Variants in RCSD1 observed in about 807,000 individuals in gnomAD.
RCSD1 encodes the protein RCSD domain containing 1, also known as capZ-interacting protein.
In RCSD1, 26 loss-of-function variants were observed where a neutral mutation model predicts 42.5. That is an observed-to-expected ratio of 0.61 (90% CI 0.45 to 0.85). RCSD1 has a LOEUF of 0.85. Among genes scored for constraint, RCSD1 ranks in the 40% least tolerant of loss-of-function variants. The pLI is 0.00. For synonymous variants in RCSD1, 220 were observed against 212.2 expected (o/e 1.04, Z -0.32); for missense variants, 571 against 528.3 (o/e 1.08, Z -0.79).
At chr1:167,657,036 C>G (rs1432309793) in intron 1 of RCSD1, among the ~76,000 whole-genome samples, 1 of 152,210 alleles carries the variant, frequency 6.6e-6, no homozygotes, top group Non-Finnish European at 1.5e-5. Flanking sequence ...GGGAAAGCCA[C>G]TTTATCTCTA....
intron 1 of RCSD1, among the ~76,000 whole-genome samples, chr1:167,672,884 T>C (rs56086037): frequency 0.053 from 8,141 of 152,326 alleles, 296 homozygotes; most frequent in Non-Finnish European, 0.085. Context: ...TAGACCATGC[T>C]CATCCTGTCC....
At chr1:167,643,295 G>A (rs1658053977) in intron 1 of RCSD1, among the ~76,000 whole-genome samples, 1 of 152,202 alleles carries the variant, frequency 6.6e-6, no homozygotes, top group Non-Finnish European at 1.5e-5. Flanking sequence ...CCTAGTGGAA[G>A]GTGGCAGAAG....
At chr1:167,686,662 C>G (rs755279854) in intron 3 of RCSD1, among the ~76,000 whole-genome samples, 8 of 152,238 alleles carry the variant, frequency 5.3e-5, no homozygotes, top group Non-Finnish European at 1.0e-4. Context: ...TTCCTTGGGT[C>G]TCTTCAAGTG....
intron 1 of RCSD1, among the ~76,000 whole-genome samples, chr1:167,653,442 G>A (rs1208699802): frequency 6.6e-6 from 1 of 152,220 alleles, no homozygotes; most frequent in Non-Finnish European, 1.5e-5. Flanking sequence ...CAACACCTGA[G>A]GAACTGGGCA....
intron 1 of RCSD1, among the ~76,000 whole-genome samples, chr1:167,652,501 C>T (rs922420788): frequency 6.6e-6 from 1 of 152,218 alleles, no homozygotes; most frequent in African/African-American, 2.4e-5. Flanking sequence ...AGGCTGGAAA[C>T]AGGCCTGCTG....
At position 167,694,184 on chromosome 1, in the gene RCSD1, A is replaced by G; in HGVS notation, c.356A>G (p.His119Arg). ...PGLKAMVSPF[H>R]SPPSTPSSPG... ...CTCAAGGCTATGGTGTCGCCATTTCACAGCCCACCTTCTACCCCCAGCAGC... is the reference window on the plus strand; with the variant it reads ...CTCAAGGCTATGGTGTCGCCATTTCGCAGCCCACCTTCTACCCCCAGCAGC... Residue 119 changes from histidine to arginine, a missense_variant, in exon 5 of 7, where the codon CAC becomes CGC. Coordinates refer to ENST00000367854, the MANE Select transcript of RCSD1 (RefSeq NM_052862.4). The G allele has an allele frequency of 6.2e-7, 1 of 1,614,158 alleles. No individual in the cohort carries two copies. Among genetic ancestry groups the G allele is most frequent in the Non-Finnish European group, 8.5e-7 (1 of 1,180,016 alleles).
chr1:167,687,522 C>CAAA lies in RCSD1; in HGVS notation c.198+2026_198+2028dup, dbSNP rs111700732. Among the ~76,000 whole-genome samples, 236 of 88,550 alleles carry CAAA rather than the reference C, an allele frequency of 2.7e-3. 4 individuals are homozygous for CAAA. Among genetic ancestry groups the CAAA allele is most frequent in the African/African-American group, 7.8e-3 (230 of 29,522 alleles). 58.1% of individuals were successfully genotyped at this position (88,550 alleles called of 152,430 possible). On this transcript the variant is annotated intron_variant, in intron 3 of 6. Transcript: ENST00000367854. The stretch of plus-strand genomic sequence containing the variant: ...TGGGTGACACAGCAAGACTCCGTCT[C>CAAA]AAAAAAAAAAAAAAAAGAAAAGAAA...
chr1:167,708,173 G>T lies in RCSD1; in HGVS notation c.*3477G>T, dbSNP rs1453525570. Reference sequence around the variant, plus strand: ...ATGCAGAGACTGCGTGCCCTCTCCTGGAGCTAGGAGCTAGGTGAGTCAATC... The same window carrying T: ...ATGCAGAGACTGCGTGCCCTCTCCTTGAGCTAGGAGCTAGGTGAGTCAATC... On this transcript the variant is annotated 3_prime_UTR_variant, in exon 7 of 7. Transcript: ENST00000367854. 6.6e-6 allele frequency among the ~76,000 whole-genome samples: 1 copy of T among 152,168 alleles called. No individual in the cohort carries two copies.
chr1:167,699,132 T>C (rs985476437), intron 6 of RCSD1, among the ~76,000 whole-genome samples: 1 of 152,122 alleles, frequency 6.6e-6, no homozygotes, highest in African/African-American at 2.4e-5. Context: ...TCCACTTTTT[T>C]TTCCCCCTGC....
chr1:167,693,714 A>G (rs1659429975), intron 4 of RCSD1, among the ~76,000 whole-genome samples: 1 of 152,202 alleles, frequency 6.6e-6, no homozygotes, highest in Non-Finnish European at 1.5e-5. Context: ...GGGAGTGAGT[A>G]CTATTGACTC....
At chr1:167,666,092 G>A (rs1408960709) in intron 1 of RCSD1, among the ~76,000 whole-genome samples, 4 of 152,212 alleles carry the variant, frequency 2.6e-5, no homozygotes, top group South Asian at 4.1e-4. Flanking sequence ...GATTACAGGC[G>A]TAAGCCACCA....
intron 6 of RCSD1, among the ~76,000 whole-genome samples, chr1:167,701,151 G>C (rs1360367106): frequency 2.0e-5 from 3 of 152,168 alleles, no homozygotes; most frequent in Non-Finnish European, 4.4e-5. Flanking sequence ...GATGGAGAAA[G>C]AGTAGCTCCA....
chr1:167,678,171 A>G (rs1658994922), intron 1 of RCSD1, among the ~76,000 whole-genome samples: 2 of 152,084 alleles, frequency 1.3e-5, no homozygotes, highest in Non-Finnish European at 2.9e-5. Flanking sequence ...TCTCTTCCCT[A>G]TTCTCTGTTT....
chr1:167,686,807 A>G (rs954915941), intron 3 of RCSD1, among the ~76,000 whole-genome samples: 3 of 152,208 alleles, frequency 2.0e-5, no homozygotes, highest in Non-Finnish European at 4.4e-5. Context: ...CTCCACTGCT[A>G]TGCAATGGGT....
In RCSD1 at chr1:167,706,681, T is replaced by C. The variant is rs1237000378; in HGVS notation, c.*1985T>C. The stretch of plus-strand genomic sequence containing the variant: ...GTCTCCTGTTAGTCACATTATTTGG[T>C]GTATTTTGTGAAAAAAATAGAGGCC... On this transcript the variant is annotated 3_prime_UTR_variant, in exon 7 of 7. Transcript: ENST00000367854. Among the ~76,000 whole-genome samples, 1 of 152,160 alleles carries C rather than the reference T, an allele frequency of 6.6e-6. No homozygotes were observed. Among genetic ancestry groups the C allele is most frequent in the East Asian group, 1.9e-4 (1 of 5,196 alleles).
intron 1 of RCSD1, among the ~76,000 whole-genome samples, chr1:167,671,355 A>C (rs577780560): frequency 7.2e-5 from 11 of 152,344 alleles, no homozygotes; most frequent in African/African-American, 1.7e-4. Context: ...TTCTAAATCA[A>C]GGATTTGAGA....
chr1:167,671,474 T>A (rs1229358), intron 1 of RCSD1, among the ~76,000 whole-genome samples: 77,162 of 152,010 alleles, frequency 0.51, 19,976 homozygotes, highest in East Asian at 0.65. Context: ...CTCTCCTTAC[T>A]CCTGCTCTCC....
At chr1:167,672,420 A>G (rs1483301706) in intron 1 of RCSD1, among the ~76,000 whole-genome samples, 1 of 152,186 alleles carries the variant, frequency 6.6e-6, no homozygotes, top group African/African-American at 2.4e-5. Context: ...AAAGCTCAAG[A>G]TGGACTAAAA....
At chr1:167,652,018 CTTTT>C (rs66622527) in intron 1 of RCSD1, among the ~76,000 whole-genome samples, 2 of 108,096 alleles carry the variant, frequency 1.9e-5, no homozygotes. Context: ...CTCTGTTCAT[CTTTT>C]TTTTTTTTTT....
Sources: allele counts gnomAD v4.1 joint callset (sites outside exome capture counted in the v4.1 genomes callset), GRCh38; gene constraint gnomAD v4.1.1; transcripts MANE v1.5; gene names NCBI Gene and HGNC (gene_info 2026-07-23, HGNC 2026-07-21).